The following CNTN3 variants were observed in gnomAD, a reference collection of about 807,000 sequenced individuals.
The protein encoded by CNTN3 is contactin 3, also known as contactin-3.
In CNTN3, 60 loss-of-function variants were observed where a neutral mutation model predicts 119.1. The ratio of observed to expected loss-of-function variants is 0.50; its 90% CI spans 0.41 to 0.62. The LOEUF is 0.62. CNTN3 is among the 20% of genes least tolerant of loss of function. The pLI is 0.00. For missense variants in CNTN3, 1,101 were observed against 1,242.4 expected, an observed-to-expected ratio of 0.89 and a Z score of 1.71; for synonymous variants, 450 against 438.7, an observed-to-expected ratio of 1.03 and a Z score of -0.32.
chr3:74,529,695 C>T (rs972198874), intron 1 of CNTN3, among the ~76,000 whole-genome samples: 1 of 151,746 alleles, frequency 6.6e-6, no homozygotes, highest in Non-Finnish European at 1.5e-5. Context: ...CAATTTATTC[C>T]TAAAATGATA....
Position 74,362,578 on chromosome 3 carries a change from C to T in CNTN3, c.1214-538G>A, listed in dbSNP as rs188062575. ...TATTACGCACATATTATTTTAAATG[C>T]TATAATATTGCATGAAGTATAATAA... On this transcript the variant is annotated intron_variant, in intron 10 of 22. Transcript: ENST00000263665. 3.9e-5 allele frequency among the ~76,000 whole-genome samples: 6 copies of T among 152,138 alleles called. No homozygotes were observed. The East Asian group carries it at 1.2e-3, about 29-fold the overall frequency.
chr3:74,584,748 C>A (rs1364612233), intron 1 of CNTN3, among the ~76,000 whole-genome samples: 6 of 152,114 alleles, frequency 3.9e-5, no homozygotes, highest in Non-Finnish European at 5.9e-5. Flanking sequence ...TGCATATGAT[C>A]CTTACAGCAT....
chr3:74,594,710 G>T (rs1236986801), intron 1 of CNTN3, among the ~76,000 whole-genome samples: 4 of 152,074 alleles, frequency 2.6e-5, no homozygotes, highest in African/African-American at 9.7e-5. Context: ...TGGACATTTG[G>T]GTTGGTCCCA....
chr3:74,442,825 T>C (rs1481632922), intron 4 of CNTN3, among the ~76,000 whole-genome samples: 1 of 152,212 alleles, frequency 6.6e-6, no homozygotes, highest in Non-Finnish European at 1.5e-5. Flanking sequence ...GGAGGTACTT[T>C]TATTTTTCTC....
At chr3:74,350,930 G>T (rs1035756967) in intron 11 of CNTN3, among the ~76,000 whole-genome samples, 1 of 152,144 alleles carries the variant, frequency 6.6e-6, no homozygotes, top group Non-Finnish European at 1.5e-5. Context: ...CAAAAGCGGG[G>T]AGGAAAGCAG....
chr3:74,271,806 A>AC (rs1487598918), intron 20 of CNTN3, among the ~76,000 whole-genome samples: 7 of 152,044 alleles, frequency 4.6e-5, no homozygotes, highest in African/African-American at 9.7e-5. Context: ...CCAATTATGC[A>AC]CCCCCCCAAT....
chr3:74,266,515 G>A lies in CNTN3; in HGVS notation c.2952C>T (p.Thr984=). The A allele has an allele frequency of 6.2e-7, 1 of 1,613,444 alleles. No homozygotes were observed. Among genetic ancestry groups the A allele is most frequent in the Non-Finnish European group, 8.5e-7 (1 of 1,179,540 alleles). ...VKATTDGGDG[T]SSEQIRIPRI... is the part of the protein sequence containing the mutation. ...GTGGAATCCTGATCTGTTCACTACTGGTCCCATCCCCTCCATCTGTTGTGG... is the reference window on the plus strand; with the variant it reads ...GTGGAATCCTGATCTGTTCACTACTAGTCCCATCCCCTCCATCTGTTGTGG... Residue 984 remains threonine, a synonymous_variant, in exon 22 of 23, where the codon ACC becomes ACT. Transcript: ENST00000263665.
At chr3:74,302,857 A>G in intron 13 of CNTN3, 50 bp from the exon 14 acceptor site, 2 of 1,290,804 alleles carry the variant, frequency 1.5e-6, no homozygotes, top group Non-Finnish European at 2.2e-6. Flanking sequence ...TAAAAAACAC[A>G]AAGAAGTTTG....
intron 3 of CNTN3, among the ~76,000 whole-genome samples, chr3:74,487,358 C>T (rs1193460607): frequency 1.3e-5 from 2 of 152,100 alleles, no homozygotes; most frequent in South Asian, 2.1e-4. Context: ...CCTTTAAATA[C>T]TCATTCATAT....
chr3:74,464,401 A>T (rs141040159), intron 4 of CNTN3, among the ~76,000 whole-genome samples: 1 of 152,268 alleles, frequency 6.6e-6, no homozygotes, highest in Non-Finnish European at 1.5e-5. Context: ...TTTTTGTTGA[A>T]ATACTTGATG....
At chr3:74,586,455 ATACGC>A (rs1267232838) in intron 1 of CNTN3, among the ~76,000 whole-genome samples, 1 of 152,104 alleles carries the variant, frequency 6.6e-6, no homozygotes, top group Non-Finnish European at 1.5e-5. Flanking sequence ...GAAGAATATA[ATACGC>A]AATTTAAGGC....
At chr3:74,588,561 C>G (rs1704640161) in intron 1 of CNTN3, among the ~76,000 whole-genome samples, 1 of 152,034 alleles carries the variant, frequency 6.6e-6, no homozygotes, top group Non-Finnish European at 1.5e-5. Flanking sequence ...ATGCCATCCC[C>G]ATCAAGCTAC....
chr3:74,361,153 A>G (rs1468002301), intron 11 of CNTN3, among the ~76,000 whole-genome samples: 2 of 152,102 alleles, frequency 1.3e-5, no homozygotes, highest in African/African-American at 4.8e-5. Flanking sequence ...TAAATTTATA[A>G]TAGATAAGCA....
At chr3:74,288,672 T>C (rs1702166862) in intron 19 of CNTN3, among the ~76,000 whole-genome samples, 1 of 152,202 alleles carries the variant, frequency 6.6e-6, no homozygotes, top group African/African-American at 2.4e-5. Flanking sequence ...TTTAATCATT[T>C]ATCAAGGTCA....
chr3:74,330,790 G>A (rs750290307), intron 13 of CNTN3, among the ~76,000 whole-genome samples: 1 of 151,868 alleles, frequency 6.6e-6, no homozygotes, highest in Non-Finnish European at 1.5e-5. Flanking sequence ...ACCCTGCGTA[G>A]GCCTAGGGTA....
intron 20 of CNTN3, among the ~76,000 whole-genome samples, chr3:74,273,207 A>C (rs1319242083): frequency 6.6e-6 from 1 of 152,196 alleles, no homozygotes; most frequent in Non-Finnish European, 1.5e-5. Flanking sequence ...AAACCGTCTG[A>C]AACATTCAGA....
chr3:74,338,536 CCAT>C (rs1703455934), intron 11 of CNTN3, among the ~76,000 whole-genome samples: 2 of 151,628 alleles, frequency 1.3e-5, no homozygotes, highest in African/African-American at 4.9e-5. Flanking sequence ...ATATCTCTCT[CCAT>C]ATTTTTCTCC....
At chr3:74,393,429 T>C (rs796835929) in intron 5 of CNTN3, among the ~76,000 whole-genome samples, 19 of 152,224 alleles carry the variant, frequency 1.2e-4, no homozygotes, top group Admixed American at 9.8e-4. Context: ...ACTTTTTAAT[T>C]TCCTCCTCTT....
At chr3:74,276,951 A>T (rs928770811) in intron 20 of CNTN3, among the ~76,000 whole-genome samples, 5 of 152,128 alleles carry the variant, frequency 3.3e-5, no homozygotes, top group African/African-American at 1.2e-4. Flanking sequence ...TACGGGAGAT[A>T]TTACAACTGA....
Sources: allele counts gnomAD v4.1 joint callset (sites outside exome capture counted in the v4.1 genomes callset), GRCh38; gene constraint gnomAD v4.1.1; transcripts MANE v1.5; gene names NCBI Gene and HGNC (gene_info 2026-07-23, HGNC 2026-07-21).